GPATCH2: variants seen among roughly 807,000 people sequenced by gnomAD.
The protein encoded by GPATCH2 is G-patch domain containing 2, also known as G patch domain-containing protein 2.
A neutral mutation model predicts 58.0 loss-of-function variants in GPATCH2; 51 were observed. The ratio of observed to expected loss-of-function variants is 0.88; its 90% CI spans 0.70 to 1.11. The LOEUF is 1.11. GPATCH2 is among the 50% of genes most tolerant of loss of function. The pLI, the probability that GPATCH2 is intolerant of heterozygous loss-of-function variation, is 0.00. For missense variants in GPATCH2, 625 were observed against 652.2 expected, an observed-to-expected ratio of 0.96 and a Z score of 0.45; for synonymous variants, 222 against 218.5, an observed-to-expected ratio of 1.02 and a Z score of -0.14.
chr1:217,600,106 A>G (rs1165850575), intron 5 of GPATCH2, among the ~76,000 whole-genome samples: 1 of 152,160 alleles, frequency 6.6e-6, no homozygotes. Context: ...ACCAAATATG[A>G]GATTTAAATA....
chr1:217,522,767 T>G (rs192945615), intron 5 of GPATCH2, among the ~76,000 whole-genome samples: 2 of 149,182 alleles, frequency 1.3e-5, no homozygotes, highest in Admixed American at 1.3e-4. Context: ...ATTTTCTTAC[T>G]CAATTCATAT....
chr1:217,542,951 G>C (rs537398369), intron 5 of GPATCH2, among the ~76,000 whole-genome samples: 2 of 152,236 alleles, frequency 1.3e-5, no homozygotes, highest in African/African-American at 4.8e-5. Context: ...TCACTAAAGA[G>C]AGTAATCTAT....
intron 8 of GPATCH2, among the ~76,000 whole-genome samples, chr1:217,466,946 G>T (rs1361244500): frequency 6.6e-6 from 1 of 152,226 alleles, no homozygotes; most frequent in Non-Finnish European, 1.5e-5. Flanking sequence ...GCTGAGGCAG[G>T]CGGATTGCCT....
rs377453117 is a variant in GPATCH2 at position 217,429,101 on chromosome 1, C to T, written c.*2044G>A. The T allele has an allele frequency of 1.3e-5, 2 of 152,182 alleles. No individual in the cohort carries two copies. The highest frequency in any genetic ancestry group is 2.1e-4 in the South Asian group (1 of 4,816). 9.4% of individuals were successfully genotyped at this position (152,182 alleles called of 1,614,324 possible). The stretch of plus-strand genomic sequence containing the variant: ...GCAGATCTCCAGGCAATCAAATTAA[C>T]AAAACCTCAAACACCAAATTTTGAA... On this transcript the variant is annotated 3_prime_UTR_variant, in exon 10 of 10. Transcript: ENST00000366935.
intron 5 of GPATCH2, among the ~76,000 whole-genome samples, chr1:217,593,294 T>C (rs1393372156): frequency 6.6e-6 from 1 of 151,956 alleles, no homozygotes; most frequent in Non-Finnish European, 1.5e-5. Context: ...GAAATTGCAA[T>C]AAATTTTGGA....
intron 5 of GPATCH2, among the ~76,000 whole-genome samples, chr1:217,565,300 T>C (rs1666165173): frequency 1.3e-5 from 2 of 152,128 alleles, no homozygotes; most frequent in African/African-American, 4.8e-5. Flanking sequence ...TCAATGTACA[T>C]TAAGAGAAAA....
rs188537035 is a variant in GPATCH2, at chr1:217,570,643, T to C, written c.1098+39678A>G. Among the ~76,000 whole-genome samples the C allele has an allele frequency of 1.2e-3, 187 of 152,266 alleles. 1 individual carries two copies. The highest frequency in any genetic ancestry group is 1.6e-4 in the Non-Finnish European group (11 of 68,018). ...ATAAAATTTCAAGACACCAACAAAC[T>C]AATAACCAACAAAGCGATGGCGAGT... On this transcript the variant is annotated intron_variant, in intron 5 of 9. Transcript: ENST00000366935.
intron 7 of GPATCH2, among the ~76,000 whole-genome samples, chr1:217,497,424 G>A (rs1318398478): frequency 6.6e-6 from 1 of 152,054 alleles, no homozygotes; most frequent in Admixed American, 6.6e-5. Flanking sequence ...TCATGAAAAT[G>A]GAAGGTATTT....
intron 5 of GPATCH2, among the ~76,000 whole-genome samples, chr1:217,556,693 C>T (rs1345832877): frequency 1.3e-5 from 2 of 152,148 alleles, no homozygotes; most frequent in Non-Finnish European, 2.9e-5. Flanking sequence ...CCTCCTAGCA[C>T]AAAAGTGCAG....
chr1:217,605,764 G>A (rs1668332114), intron 5 of GPATCH2, among the ~76,000 whole-genome samples: 2 of 152,226 alleles, frequency 1.3e-5, no homozygotes, highest in African/African-American at 4.8e-5. Context: ...ATATATCTTG[G>A]CTATCTGGAA....
chr1:217,459,407 A>C (rs1053720305), intron 8 of GPATCH2, among the ~76,000 whole-genome samples: 3 of 152,186 alleles, frequency 2.0e-5, no homozygotes, highest in African/African-American at 7.2e-5. Context: ...CTCCAAGTAG[A>C]ATCTGATATT....
intron 8 of GPATCH2, among the ~76,000 whole-genome samples, chr1:217,477,339 A>T (rs1210934556): frequency 6.6e-6 from 1 of 152,138 alleles, no homozygotes; most frequent in African/African-American, 2.4e-5. Flanking sequence ...TGAGAAAAGC[A>T]GAGGGAAAAG....
At chr1:217,489,731 A>G (rs1661629170) in intron 8 of GPATCH2, among the ~76,000 whole-genome samples, 1 of 152,102 alleles carries the variant, frequency 6.6e-6, no homozygotes, top group Non-Finnish European at 1.5e-5. Flanking sequence ...GTGTGGCGGC[A>G]CATGCCTGTA....
intron 5 of GPATCH2, among the ~76,000 whole-genome samples, chr1:217,538,637 G>A (rs1664588318): frequency 6.6e-6 from 1 of 152,100 alleles, no homozygotes; most frequent in Admixed American, 6.6e-5. Flanking sequence ...TAACACCCTG[G>A]CCTCTCCATT....
chr1:217,481,787 T>C (rs1266610884), intron 8 of GPATCH2, among the ~76,000 whole-genome samples: 2 of 151,892 alleles, frequency 1.3e-5, no homozygotes, highest in Non-Finnish European at 2.9e-5. Context: ...TGCCCAGGAG[T>C]TTGAGACTAC....
At chr1:217,564,522 C>T (rs1040735313) in intron 5 of GPATCH2, among the ~76,000 whole-genome samples, 1 of 152,162 alleles carries the variant, frequency 6.6e-6, no homozygotes, top group Admixed American at 6.5e-5. Context: ...TGACTCCACA[C>T]ATTACATCAC....
intron 7 of GPATCH2, among the ~76,000 whole-genome samples, chr1:217,492,260 C>T (rs1175876207): frequency 6.6e-6 from 1 of 152,130 alleles, no homozygotes; most frequent in African/African-American, 2.4e-5. Context: ...GGTAAAGAAA[C>T]ACGCTTAAAA....
intron 5 of GPATCH2, among the ~76,000 whole-genome samples, chr1:217,558,497 G>A (rs545801129): frequency 5.8e-4 from 89 of 152,210 alleles, no homozygotes; most frequent in African/African-American, 2.0e-3. Flanking sequence ...AACTGATTAC[G>A]AAAAAGTCAA....
chr1:217,460,799 T>C (rs1014073139), intron 8 of GPATCH2, among the ~76,000 whole-genome samples: 3 of 152,252 alleles, frequency 2.0e-5, no homozygotes, highest in African/African-American at 7.2e-5. Flanking sequence ...GTCCGCTCCA[T>C]AATTCTCTAT....
Sources: gnomAD v4.1 joint callset for allele counts (sites outside exome capture counted in the v4.1 genomes callset) on GRCh38, gnomAD v4.1.1 for gene constraint, MANE v1.5 for transcripts, NCBI Gene and HGNC (gene_info 2026-07-23, HGNC 2026-07-21) for gene names.